Variants in CALN1 observed in about 807,000 individuals in gnomAD.
CALN1 encodes the protein calcium-binding protein 8.
A neutral mutation model predicts 30.6 loss-of-function variants in CALN1; 17 were observed. That is an observed-to-expected ratio of 0.56 (90% confidence interval 0.38 to 0.83). The LOEUF (loss-of-function observed/expected upper bound fraction) is 0.83, where lower values mean the gene tolerates loss of function less well. Ranked by LOEUF, CALN1 falls within the 40% of genes least tolerant of loss-of-function variation. The pLI is 0.00. For missense variants in CALN1, 291 were observed against 354.9 expected, an observed-to-expected ratio of 0.82 and a Z score of 1.45; for synonymous variants, 156 against 131.4, an observed-to-expected ratio of 1.19 and a Z score of -1.28.
At chr7:72,359,016 T>G (rs534418960) in intron 2 of CALN1, among the ~76,000 whole-genome samples, 53 of 151,244 alleles carry the variant, frequency 3.5e-4, no homozygotes, top group African/African-American at 1.2e-3. Context: ...ACCTGCCACC[T>G]CATCACAGTG....
chr7:72,166,739 G>A (rs1006497110), intron 3 of CALN1, among the ~76,000 whole-genome samples: 1 of 152,156 alleles, frequency 6.6e-6, no homozygotes, highest in African/African-American at 2.4e-5. Context: ...GCTACCTCTA[G>A]CATAAAAATA....
intron 5 of CALN1, among the ~76,000 whole-genome samples, chr7:71,823,162 TTCTC>T (rs998733329): frequency 1.3e-5 from 2 of 151,084 alleles, no homozygotes; most frequent in Non-Finnish European, 2.9e-5. Flanking sequence ...CTCCAGTTTC[TTCTC>T]TCTCTCTCCG....
intron 4 of CALN1, among the ~76,000 whole-genome samples, chr7:72,094,530 A>T (rs563763056): frequency 6.6e-6 from 1 of 152,318 alleles, no homozygotes; most frequent in South Asian, 2.1e-4. Context: ...CTGGGATTAC[A>T]GGCGTGAGCC....
intron 5 of CALN1, among the ~76,000 whole-genome samples, chr7:71,980,194 T>C (rs925298929): frequency 1.1e-4 from 16 of 148,802 alleles, no homozygotes; most frequent in African/African-American, 3.2e-4. Flanking sequence ...TTTCTTTTTT[T>C]TTTTTTTTTT....
intron 2 of CALN1, among the ~76,000 whole-genome samples, chr7:72,381,919 G>A (rs889631816): frequency 4.0e-5 from 6 of 151,896 alleles, no homozygotes; most frequent in African/African-American, 9.7e-5. Flanking sequence ...TAGAAGAGAG[G>A]ATATCATAAG....
intron 3 of CALN1, among the ~76,000 whole-genome samples, chr7:72,257,676 C>T (rs535777384): frequency 6.6e-6 from 1 of 152,294 alleles, no homozygotes; most frequent in South Asian, 2.1e-4. Context: ...TTTATAGCAG[C>T]ACAGTTCGCA....
intron 5 of CALN1, among the ~76,000 whole-genome samples, chr7:71,912,734 G>A (rs1794489193): frequency 6.6e-6 from 1 of 152,144 alleles, no homozygotes; most frequent in African/African-American, 2.4e-5. Flanking sequence ...AGGATGCCAT[G>A]GGTTTGGGGG....
rs1554463672 is a variant in CALN1 at position 72,169,491 on chromosome 7, T to TTTA, written c.245-63198_245-63197insTAA. On this transcript the variant is annotated intron_variant, in intron 3 of 6. Coordinates refer to ENST00000395275, the MANE Select transcript of CALN1 (RefSeq NM_031468.4). ...CATGCCACCACACCCAGCTGATTATTTTTTTTTTTTTTTCAGATACAGAAT... is the reference window on the plus strand; with the variant it reads ...CATGCCACCACACCCAGCTGATTATTTTATTTTTTTTTTTTTCAGATACAGAAT... Among the ~76,000 whole-genome samples the TTTA allele has an allele frequency of 6.8e-3, 662 of 97,492 alleles. 4 individuals are homozygous for TTTA. The highest frequency in any genetic ancestry group is 0.02 in the African/African-American group (615 of 30,734). 64.0% of individuals were successfully genotyped at this position (97,492 alleles called of 152,430 possible).
At chr7:72,166,509 A>G (rs1252634547) in intron 3 of CALN1, among the ~76,000 whole-genome samples, 1 of 152,212 alleles carries the variant, frequency 6.6e-6, no homozygotes, top group Non-Finnish European at 1.5e-5. Context: ...TTATTAAGTG[A>G]GCAGTGATTG....
intron 5 of CALN1, among the ~76,000 whole-genome samples, chr7:71,937,946 T>C (rs148368679): frequency 2.0e-3 from 300 of 151,756 alleles, no homozygotes; most frequent in African/African-American, 6.9e-3. Context: ...TTTTTATCTC[T>C]GTCACTATTT....
intron 1 of CALN1, among the ~76,000 whole-genome samples, chr7:72,445,430 C>T (rs963374635): frequency 6.6e-5 from 10 of 152,136 alleles, no homozygotes; most frequent in Non-Finnish European, 1.5e-4. Flanking sequence ...AGAGCACGAC[C>T]TTTAAAAATG....
In CALN1 at chr7:71,784,558, G is replaced by T; in HGVS notation, c.*3217C>A. On this transcript the variant is annotated 3_prime_UTR_variant, in exon 7 of 7. Coordinates refer to ENST00000395275, the MANE Select transcript of CALN1 (RefSeq NM_031468.4). ...TGGAAAGGTGGGGCGCAGCTTCTTT[G>T]GGGATCAAGGGGGTCAGGGTCCATT... is the stretch of plus-strand genomic sequence containing the variant. The T allele has an allele frequency of 2.8e-6, 1 of 352,016 alleles. No homozygotes were observed. Among genetic ancestry groups the T allele is most frequent in the Non-Finnish European group, 5.1e-6 (1 of 197,152 alleles). 21.8% of individuals were successfully genotyped at this position (352,016 alleles called of 1,614,324 possible).
intron 4 of CALN1, among the ~76,000 whole-genome samples, chr7:72,044,598 A>ATTTTTTTTTTTTT (rs1563005478): frequency 2.6e-5 from 3 of 114,436 alleles, no homozygotes; most frequent in African/African-American, 1.0e-4. Flanking sequence ...TCCGCTTAAA[A>ATTTTTTTTTTTTT]CTTTTTTTTT....
the CALN1 span, among the ~76,000 whole-genome samples, chr7:72,479,808 C>T: frequency 6.6e-6 from 1 of 152,166 alleles, no homozygotes; most frequent in Non-Finnish European, 1.5e-5. Context: ...ACCTTGGCTT[C>T]CCAAAGTGCT....
At chr7:71,900,124 C>T (rs1793768518) in intron 5 of CALN1, among the ~76,000 whole-genome samples, 1 of 152,104 alleles carries the variant, frequency 6.6e-6, no homozygotes. Context: ...AAAATAGCTT[C>T]CATAATTGTG....
chr7:72,303,557 C>CA (rs34931896), intron 2 of CALN1, among the ~76,000 whole-genome samples: 45,296 of 139,658 alleles, frequency 0.32, 7,546 homozygotes, highest in Non-Finnish European at 0.37. Flanking sequence ...AACTCCATCT[C>CA]AAAAAAAAGA....
At chr7:72,072,147 A>C (rs934377319) in intron 4 of CALN1, among the ~76,000 whole-genome samples, 1 of 152,212 alleles carries the variant, frequency 6.6e-6, no homozygotes, top group African/African-American at 2.4e-5. Flanking sequence ...GATGAAAGAT[A>C]TTAATATCAA....
chr7:71,860,825 T>G (rs149320654), intron 5 of CALN1, among the ~76,000 whole-genome samples: 30 of 152,168 alleles, frequency 2.0e-4, no homozygotes, highest in Non-Finnish European at 3.7e-4. Context: ...CTGCCAGGGA[T>G]GATTAATGCC....
At chr7:72,018,294 AATTAACCTGC>A (rs1800512506) in intron 5 of CALN1, among the ~76,000 whole-genome samples, 1 of 152,092 alleles carries the variant, frequency 6.6e-6, no homozygotes, top group Admixed American at 6.6e-5. Context: ...TGGCAGGTGC[AATTAACCTGC>A]AGCATTGAGC....
Sources: allele counts gnomAD v4.1 joint callset (sites outside exome capture counted in the v4.1 genomes callset), GRCh38; gene constraint gnomAD v4.1.1; transcripts MANE v1.5; gene names NCBI Gene and HGNC (gene_info 2026-07-23, HGNC 2026-07-21).